RIN2: variants seen among roughly 807,000 people sequenced by gnomAD.
RIN2 encodes Ras and Rab interactor 2, also known as RAB5 interacting protein 2.
RIN2 carries 36 observed loss-of-function variants against 78.0 expected under a neutral mutation model. The ratio of observed to expected loss-of-function variants is 0.46; its 90% CI spans 0.35 to 0.61. The LOEUF is 0.61. Ranked by LOEUF, RIN2 falls within the 20% of genes least tolerant of loss-of-function variation. The pLI, the probability that RIN2 is intolerant of heterozygous loss-of-function variation, is 0.00. For synonymous variants in RIN2, 466 were observed against 466.8 expected (o/e 1.00, Z 0.02); for missense variants, 1,087 against 1,159.7 (o/e 0.94, Z 0.91).
At chr20:19,923,296 G>T (rs73605548) in intron 3 of RIN2, among the ~76,000 whole-genome samples, 56,243 of 151,388 alleles carry the variant, frequency 0.37, 10,918 homozygotes, top group Non-Finnish European at 0.43. Flanking sequence ...GGCGCCTGTA[G>T]TCTCAGCTAC....
chr20:19,866,663 C>T (rs1199657729), intron 2 of RIN2, among the ~76,000 whole-genome samples: 1 of 152,136 alleles, frequency 6.6e-6, no homozygotes, highest in African/African-American at 2.4e-5. Flanking sequence ...CTTCCTGTGT[C>T]ACCCAGGCGG....
chr20:19,837,652 T>C (rs1314858983), intron 2 of RIN2, among the ~76,000 whole-genome samples: 1 of 152,158 alleles, frequency 6.6e-6, no homozygotes, highest in Admixed American at 6.5e-5. Flanking sequence ...GCTTTTGCTT[T>C]GCTTTTTAAT....
At chr20:19,835,279 A>C (rs2036387776) in intron 2 of RIN2, among the ~76,000 whole-genome samples, 1 of 152,126 alleles carries the variant, frequency 6.6e-6, no homozygotes, top group Non-Finnish European at 1.5e-5. Flanking sequence ...GTTTATATAC[A>C]TATACATATG....
chr20:19,773,367 G>T (rs773358860), intron 1 of RIN2, among the ~76,000 whole-genome samples: 2 of 152,198 alleles, frequency 1.3e-5, no homozygotes, highest in Non-Finnish European at 2.9e-5. Context: ...ATAACTAGGT[G>T]TAAAATTAGA....
At position 19,971,374 on chromosome 20, in the gene RIN2, C is replaced by T. The variant is rs529613648; in HGVS notation, c.628+445C>T. 5.3e-5 allele frequency among the ~76,000 whole-genome samples: 8 copies of T among 152,256 alleles called. No homozygotes were observed. In the South Asian group the frequency reaches 1.7e-3, roughly 32 times the overall value. The stretch of plus-strand genomic sequence containing the variant: ...TCTGGCAGCTGGGTACTTGCTTCCC[C>T]GTCCTGTCCCTTTGCCGATGTCCCC... On this transcript the variant is annotated intron_variant, in intron 8 of 12. Coordinates refer to ENST00000255006, the MANE Select transcript of RIN2 (RefSeq NM_018993.4).
At chr20:19,877,709 G>A (rs146072288) in intron 2 of RIN2, among the ~76,000 whole-genome samples, 1 of 152,112 alleles carries the variant, frequency 6.6e-6, no homozygotes, top group African/African-American at 2.4e-5. Context: ...TTGGATGGAG[G>A]GTGGGAGAGG....
chr20:19,823,920 G>T, intron 2 of RIN2: 2 of 1,579,698 alleles, frequency 1.3e-6, no homozygotes, highest in Non-Finnish European at 1.7e-6. Context: ...CTTTGATCTC[G>T]TTCGGGTCGA....
At chr20:19,926,575 T>G (rs1048058498) in intron 3 of RIN2, among the ~76,000 whole-genome samples, 1 of 151,924 alleles carries the variant, frequency 6.6e-6, no homozygotes, top group Non-Finnish European at 1.5e-5. Context: ...CAGAAGCACA[T>G]GGTCGAGGGA....
intron 2 of RIN2, among the ~76,000 whole-genome samples, chr20:19,861,785 CTGA>C (rs1380211631): frequency 1.3e-5 from 2 of 151,584 alleles, no homozygotes; most frequent in East Asian, 2.0e-4. Flanking sequence ...CCCTCCATAT[CTGA>C]TGATCACCCT....
rs6081809 is a variant in RIN2, at chr20:19,909,867, C to T, written c.57+20209C>T. Among the ~76,000 whole-genome samples the T allele has an allele frequency of 1.0e-3, 156 of 152,302 alleles. 4 individuals are homozygous for T. The South Asian group carries it at 0.028, about 27-fold the overall frequency. On this transcript the variant is annotated intron_variant, in intron 3 of 12. Transcript: ENST00000255006. ...CTCAGCAGGCAGCCTGGGTGTGGTG[C>T]GGCTACTAGTAAATGGGGACCATGA... is the stretch of plus-strand genomic sequence containing the variant.
At chr20:19,988,868 C>T (rs6046521) in intron 9 of RIN2, among the ~76,000 whole-genome samples, 13,111 of 152,010 alleles carry the variant, frequency 0.086, 1,781 homozygotes, top group African/African-American at 0.29. Flanking sequence ...GTTAGCACTT[C>T]GCCACATCTG....
At chr20:19,871,500 A>T (rs766712065) in intron 2 of RIN2, among the ~76,000 whole-genome samples, 3 of 152,180 alleles carry the variant, frequency 2.0e-5, no homozygotes, top group African/African-American at 4.8e-5. Context: ...GAGAAAAATC[A>T]CTGTTGCTAG....
chr20:19,810,227 C>T (rs1412373479), intron 2 of RIN2, among the ~76,000 whole-genome samples: 5 of 147,964 alleles, frequency 3.4e-5, no homozygotes, highest in African/African-American at 7.6e-5. Flanking sequence ...GGCAAAACCC[C>T]GTCTCTATTA....
intron 3 of RIN2, among the ~76,000 whole-genome samples, chr20:19,896,732 A>G (rs992644594): frequency 3.3e-5 from 5 of 152,228 alleles, no homozygotes; most frequent in Admixed American, 1.3e-4. Context: ...TAAATTCTTC[A>G]TAGACACTGA....
intron 3 of RIN2, among the ~76,000 whole-genome samples, chr20:19,898,548 T>G (rs2038841398): frequency 6.6e-6 from 1 of 152,260 alleles, no homozygotes; most frequent in Admixed American, 6.5e-5. Flanking sequence ...AAATGATGTA[T>G]TTGTAGTCAA....
intron 2 of RIN2, among the ~76,000 whole-genome samples, chr20:19,874,098 G>A (rs954042084): frequency 6.6e-6 from 1 of 151,342 alleles, no homozygotes; most frequent in African/African-American, 2.4e-5. Context: ...GTGTGTGTTG[G>A]TTATTTCACT....
intron 3 of RIN2, 41 bp downstream of exon 3, chr20:19,889,699 G>T (rs1260322857): frequency 7.1e-7 from 1 of 1,407,012 alleles, no homozygotes; most frequent in African/African-American, 1.4e-5. Flanking sequence ...TCGTCGGCTT[G>T]CTGCCTGAGC....
At chr20:19,889,234 C>T (rs572260374) in intron 2 of RIN2, 1 of 1,011,782 alleles carries the variant, frequency 9.9e-7, no homozygotes, top group East Asian at 9.4e-5. Flanking sequence ...ACTTCCAGTG[C>T]AGATGATGGG....
At chr20:19,908,502 A>AAAG (rs1555788670) in intron 3 of RIN2, among the ~76,000 whole-genome samples, 41 of 151,160 alleles carry the variant, frequency 2.7e-4, no homozygotes, top group African/African-American at 9.3e-4. Flanking sequence ...AAAAAAAAAA[A>AAAG]AAAGAAAGAA....
Sources: gnomAD v4.1 joint callset for allele counts (sites outside exome capture counted in the v4.1 genomes callset) on GRCh38, gnomAD v4.1.1 for gene constraint, MANE v1.5 for transcripts, NCBI Gene and HGNC (gene_info 2026-07-23, HGNC 2026-07-21) for gene names.